The following PTPRD variants were observed in gnomAD, a reference collection of about 807,000 sequenced individuals.
PTPRD encodes protein tyrosine phosphatase receptor type D.
A neutral mutation model predicts 214.5 loss-of-function variants in PTPRD; 34 were observed. That is an observed-to-expected ratio of 0.16 (90% CI 0.12 to 0.21). PTPRD has a LOEUF of 0.21. Among genes scored for constraint, PTPRD ranks in the 10% least tolerant of loss-of-function variants. The pLI is 1.00. For synonymous variants in PTPRD, 1,128 were observed against 845.7 expected, an observed-to-expected ratio of 1.33 and a Z score of -5.79; for missense variants, 2,545 against 2,398.7, an observed-to-expected ratio of 1.06 and a Z score of -1.27.
intron 10 of PTPRD, among the ~76,000 whole-genome samples, chr9:9,062,396 G>A (rs962394850): frequency 6.6e-6 from 1 of 152,212 alleles, no homozygotes; most frequent in East Asian, 1.9e-4. Flanking sequence ...TGTGGCTGAT[G>A]GAAGAAATTA....
At chr9:9,423,278 G>C (rs996585166) in intron 8 of PTPRD, among the ~76,000 whole-genome samples, 2 of 152,102 alleles carry the variant, frequency 1.3e-5, no homozygotes, top group African/African-American at 4.8e-5. Context: ...AGGTTTAGAT[G>C]AGGTTAGTAT....
chr9:8,726,126 T>C (rs1339986524), intron 12 of PTPRD, among the ~76,000 whole-genome samples: 1 of 152,016 alleles, frequency 6.6e-6, no homozygotes, highest in Non-Finnish European at 1.5e-5. Context: ...TACTAAATTT[T>C]AGGTTAAAGA....
intron 8 of PTPRD, among the ~76,000 whole-genome samples, chr9:9,526,153 G>A (rs781374862): frequency 6.6e-6 from 1 of 152,232 alleles, no homozygotes; most frequent in Middle Eastern, 3.4e-3. Flanking sequence ...GTAAACTACA[G>A]TTATGTTGAG....
At chr9:9,129,246 C>T (rs1034384088) in intron 10 of PTPRD, among the ~76,000 whole-genome samples, 2 of 152,112 alleles carry the variant, frequency 1.3e-5, no homozygotes, top group African/African-American at 4.8e-5. Context: ...CAAAATTAGC[C>T]AGGCATGGTA....
intron 45 of PTPRD, among the ~76,000 whole-genome samples, chr9:8,319,316 T>C (rs953788018): frequency 1.3e-5 from 2 of 152,078 alleles, no homozygotes; most frequent in African/African-American, 2.4e-5. Context: ...CAAATTTCCA[T>C]ATTAATTATT....
At chr9:9,786,147 T>G (rs1313387999) in intron 5 of PTPRD, among the ~76,000 whole-genome samples, 1 of 152,190 alleles carries the variant, frequency 6.6e-6, no homozygotes, top group Non-Finnish European at 1.5e-5. Context: ...TCTATTAGAG[T>G]ATTTCATCAA....
chr9:8,877,247 G>C (rs1285357850), intron 11 of PTPRD, among the ~76,000 whole-genome samples: 3 of 152,112 alleles, frequency 2.0e-5, no homozygotes, highest in Admixed American at 1.3e-4. Context: ...TAAATCATTT[G>C]TATGAGCCAA....
At chr9:10,325,148 G>T (rs1175560358) in intron 3 of PTPRD, among the ~76,000 whole-genome samples, 12 of 151,978 alleles carry the variant, frequency 7.9e-5, no homozygotes, top group Non-Finnish European at 1.5e-4. Context: ...CAAACCTTAA[G>T]TTCCAACAAA....
At chr9:9,437,288 G>C (rs1299038056) in intron 8 of PTPRD, among the ~76,000 whole-genome samples, 3 of 151,940 alleles carry the variant, frequency 2.0e-5, no homozygotes, top group African/African-American at 7.3e-5. Context: ...CTTCTTCTTG[G>C]AAGTTTTTTC....
chr9:9,644,673 A>G (rs1416134236), intron 7 of PTPRD, among the ~76,000 whole-genome samples: 1 of 151,832 alleles, frequency 6.6e-6, no homozygotes, highest in East Asian at 1.9e-4. Context: ...CCCCTAAATG[A>G]GAACAGTTAT....
chr9:10,376,231 G>C (rs2097725130), intron 2 of PTPRD, among the ~76,000 whole-genome samples: 1 of 151,784 alleles, frequency 6.6e-6, no homozygotes, highest in Non-Finnish European at 1.5e-5. Flanking sequence ...ATTAATTGCT[G>C]ATATGCTACC....
chr9:10,528,859 A>C (rs964966345), intron 2 of PTPRD, among the ~76,000 whole-genome samples: 2 of 152,180 alleles, frequency 1.3e-5, no homozygotes, highest in Admixed American at 6.6e-5. Context: ...TAGTTACTCA[A>C]GTTTTTAAAA....
intron 6 of PTPRD, among the ~76,000 whole-genome samples, chr9:9,757,028 T>C (rs1345282413): frequency 6.6e-6 from 1 of 152,174 alleles, no homozygotes; most frequent in African/African-American, 2.4e-5. Context: ...TTCAAACCAA[T>C]GAAAAGAATG....
chr9:10,337,167 T>C (rs995197738), intron 3 of PTPRD, among the ~76,000 whole-genome samples: 2 of 151,794 alleles, frequency 1.3e-5, no homozygotes, highest in Non-Finnish European at 2.9e-5. Flanking sequence ...GTTTATTAAA[T>C]GTGTGGAAAA....
chr9:9,570,128 G>A (rs1232778475), intron 8 of PTPRD, among the ~76,000 whole-genome samples: 1 of 151,388 alleles, frequency 6.6e-6, no homozygotes. Context: ...AAGTATTTGT[G>A]CATGCAGTGA....
chr9:10,150,461 C>T (rs1403167616), intron 3 of PTPRD, among the ~76,000 whole-genome samples: 3 of 151,618 alleles, frequency 2.0e-5, no homozygotes, highest in South Asian at 2.1e-4. Flanking sequence ...AATTGAACAA[C>T]GAGAACACAT....
intron 7 of PTPRD, among the ~76,000 whole-genome samples, chr9:9,665,427 T>C (rs1723911978): frequency 6.6e-6 from 1 of 151,806 alleles, no homozygotes; most frequent in African/African-American, 2.4e-5. Context: ...TTATAAATGC[T>C]CACTGTGATA....
chr9:9,406,924 A>ACTGGAGCT (rs2073666565), intron 8 of PTPRD, among the ~76,000 whole-genome samples: 1 of 151,172 alleles, frequency 6.6e-6, no homozygotes, highest in Non-Finnish European at 1.5e-5. Context: ...AATGCTGAGC[A>ACTGGAGCT]CTGGAGCTCT....
chr9:9,896,142 C>T (rs1471095411), intron 5 of PTPRD, among the ~76,000 whole-genome samples: 1 of 151,942 alleles, frequency 6.6e-6, no homozygotes, highest in Non-Finnish European at 1.5e-5. Context: ...GAAGTCTTCT[C>T]TAAACACACA....
Sources: allele counts gnomAD v4.1 joint callset (sites outside exome capture counted in the v4.1 genomes callset), GRCh38; gene constraint gnomAD v4.1.1; transcripts MANE v1.5; gene names NCBI Gene and HGNC (gene_info 2026-07-23, HGNC 2026-07-21).